Variants in CDKAL1 observed in about 807,000 individuals in gnomAD.
The protein encoded by CDKAL1 is CDKAL1 threonylcarbamoyladenosine tRNA methylthiotransferase, also known as threonylcarbamoyladenosine tRNA methylthiotransferase.
Under a neutral mutation model 68.2 loss-of-function variants are expected in CDKAL1, and 32 were observed. The observed-to-expected ratio is 0.47, with a 90% CI of 0.35 to 0.63. The LOEUF is 0.63. Ranked by LOEUF, CDKAL1 falls within the 30% of genes least tolerant of loss-of-function variation. The pLI, the probability that CDKAL1 is intolerant of heterozygous loss-of-function variation, is 0.00. For missense variants in CDKAL1, 606 were observed against 696.7 expected, an observed-to-expected ratio of 0.87 and a Z score of 1.47; for synonymous variants, 234 against 244.3, an observed-to-expected ratio of 0.96 and a Z score of 0.39.
At chr6:20,871,234 G>A (rs79048019) in intron 9 of CDKAL1, among the ~76,000 whole-genome samples, 1,541 of 152,238 alleles carry the variant, frequency 0.01, 20 homozygotes, top group African/African-American at 0.035. Context: ...GAACATTTTC[G>A]TGATATATGT....
chr6:21,063,450 C>T (rs1004947127), intron 11 of CDKAL1, among the ~76,000 whole-genome samples: 9 of 152,182 alleles, frequency 5.9e-5, no homozygotes, highest in Non-Finnish European at 1.3e-4. Context: ...ACAAAGGCAG[C>T]TTGCTACCTT....
intron 10 of CDKAL1, among the ~76,000 whole-genome samples, chr6:20,975,833 C>A (rs1765820045): frequency 6.6e-6 from 1 of 152,158 alleles, no homozygotes; most frequent in Non-Finnish European, 1.5e-5. Context: ...CCTAAAGGGC[C>A]AGGATTCTTG....
chr6:20,576,729 G>A (rs1044398896), intron 4 of CDKAL1, among the ~76,000 whole-genome samples: 1 of 152,058 alleles, frequency 6.6e-6, no homozygotes, highest in Non-Finnish European at 1.5e-5. Flanking sequence ...TTGTACTTTA[G>A]GAGTCAGCTC....
At chr6:20,980,375 C>T (rs1029166230) in intron 10 of CDKAL1, among the ~76,000 whole-genome samples, 1 of 151,662 alleles carries the variant, frequency 6.6e-6, no homozygotes, top group Non-Finnish European at 1.5e-5. Context: ...GTAGCTGAGA[C>T]TACAGGCGCC....
At chr6:20,562,245 T>C (rs1247099810) in intron 4 of CDKAL1, among the ~76,000 whole-genome samples, 1 of 139,504 alleles carries the variant, frequency 7.2e-6, no homozygotes, top group Non-Finnish European at 1.6e-5. Context: ...TGGCATTCTC[T>C]TTGTTTTTTT....
chr6:20,566,566 T>G (rs1264308381), intron 4 of CDKAL1, among the ~76,000 whole-genome samples: 1 of 152,192 alleles, frequency 6.6e-6, no homozygotes, highest in South Asian at 2.1e-4. Context: ...CTGTAAGCTT[T>G]TAATTAGGAA....
chr6:21,006,831 T>C (rs1767753339), intron 11 of CDKAL1, among the ~76,000 whole-genome samples: 1 of 152,216 alleles, frequency 6.6e-6, no homozygotes, highest in African/African-American at 2.4e-5. Context: ...GAAAGGAACC[T>C]CATTTTTCCT....
At chr6:20,554,159 C>G (rs566153627) in intron 4 of CDKAL1, among the ~76,000 whole-genome samples, 8 of 152,320 alleles carry the variant, frequency 5.3e-5, no homozygotes, top group African/African-American at 1.9e-4. Flanking sequence ...CTGCTTGTCT[C>G]TCATTCAAAG....
chr6:21,080,701 A>G lies in CDKAL1; in HGVS notation c.1236+15473A>G, dbSNP rs200661233. Among the ~76,000 whole-genome samples, 1,022 of 152,318 alleles carry G rather than the reference A, an allele frequency of 6.7e-3. 40 individuals carry two copies. The East Asian group carries it at 0.11, about 17-fold the overall frequency. ...GTTTAGCCCCAATGTGACAATGATG[A>G]ACTAAATTCCATTACCATGTAAATC... On this transcript the variant is annotated intron_variant, in intron 12 of 15. Transcript: ENST00000274695.
At chr6:21,152,613 G>A (rs1776465340) in intron 13 of CDKAL1, among the ~76,000 whole-genome samples, 1 of 152,172 alleles carries the variant, frequency 6.6e-6, no homozygotes, top group South Asian at 2.1e-4. Context: ...GCTATTTCTG[G>A]AGCCTATGCT....
intron 4 of CDKAL1, among the ~76,000 whole-genome samples, chr6:20,647,003 C>T (rs142417349): frequency 6.2e-4 from 94 of 152,326 alleles, no homozygotes; most frequent in African/African-American, 2.2e-3. Context: ...CCTCGGCCTC[C>T]CAAAGTGCCG....
chr6:21,124,769 C>G (rs1158167715), intron 13 of CDKAL1, among the ~76,000 whole-genome samples: 2 of 151,896 alleles, frequency 1.3e-5, no homozygotes, highest in African/African-American at 4.8e-5. Context: ...TTTCCATTCT[C>G]ACTGGCTTCT....
chr6:21,165,064 A>T (rs11965768), intron 13 of CDKAL1, among the ~76,000 whole-genome samples: 6,860 of 152,292 alleles, frequency 0.045, 438 homozygotes, highest in African/African-American at 0.14. Context: ...CTTCAAAGGA[A>T]TAAACTTCCT....
At chr6:20,732,809 C>T (rs1773016598) in intron 5 of CDKAL1, among the ~76,000 whole-genome samples, 1 of 152,106 alleles carries the variant, frequency 6.6e-6, no homozygotes, top group African/African-American at 2.4e-5. Flanking sequence ...TCATTTTTCC[C>T]ATGTAGTTTC....
intron 10 of CDKAL1, among the ~76,000 whole-genome samples, chr6:20,991,680 C>T (rs545009547): frequency 2.3e-5 from 3 of 133,298 alleles, no homozygotes; most frequent in African/African-American, 8.6e-5. Flanking sequence ...GCACTCCAGC[C>T]TGGGTGACAG....
chr6:20,828,374 A>G (rs888296944), intron 8 of CDKAL1, among the ~76,000 whole-genome samples: 6 of 151,844 alleles, frequency 4.0e-5, no homozygotes, highest in Admixed American at 6.6e-5. Flanking sequence ...GATTGCAGAC[A>G]TGCACCACCG....
chr6:20,730,843 CAAAA>C (rs34407999), intron 5 of CDKAL1, among the ~76,000 whole-genome samples: 4 of 116,272 alleles, frequency 3.4e-5, no homozygotes, highest in Admixed American at 8.9e-5. Context: ...GACTCCGTCT[CAAAA>C]AAAAAAAAAA....
At chr6:20,848,347 G>A (rs537197168) in intron 9 of CDKAL1, among the ~76,000 whole-genome samples, 77 of 150,204 alleles carry the variant, frequency 5.1e-4, no homozygotes, top group African/African-American at 3.2e-4. Flanking sequence ...CCTGCCTCCA[G>A]ACCCTGTTCT....
chr6:20,952,193 C>T (rs1483793357), intron 9 of CDKAL1, among the ~76,000 whole-genome samples: 1 of 152,066 alleles, frequency 6.6e-6, no homozygotes, highest in Non-Finnish European at 1.5e-5. Flanking sequence ...CTCCTGACCT[C>T]GTGATCTGCC....
Sources: allele counts gnomAD v4.1 joint callset (sites outside exome capture counted in the v4.1 genomes callset), GRCh38; gene constraint gnomAD v4.1.1; transcripts MANE v1.5; gene names NCBI Gene and HGNC (gene_info 2026-07-23, HGNC 2026-07-21).